The following SYT1 variants were observed in gnomAD, a reference collection of about 807,000 sequenced individuals.
SYT1 encodes the protein synaptotagmin 1.
In SYT1, 8 loss-of-function variants were observed where a neutral mutation model predicts 44.8. That is an observed-to-expected ratio of 0.18 (90% CI 0.10 to 0.32). The LOEUF (loss-of-function observed/expected upper bound fraction) is 0.32. Among genes scored for constraint, SYT1 ranks in the 10% least tolerant of loss-of-function variants. SYT1 has a pLI of 1.00. For synonymous variants in SYT1, 154 were observed against 188.8 expected (o/e 0.82, Z 1.51); for missense variants, 286 against 509.3 (o/e 0.56, Z 4.22).
intron 1 of SYT1, among the ~76,000 whole-genome samples, chr12:78,962,102 T>C (rs1360707696): frequency 6.6e-6 from 1 of 152,124 alleles, no homozygotes; most frequent in African/African-American, 2.4e-5. Context: ...TGGTTTGAGT[T>C]TAGGTTTGCT....
intron 2 of SYT1, among the ~76,000 whole-genome samples, chr12:79,045,302 G>C (rs1311527842): frequency 6.6e-6 from 1 of 152,250 alleles, no homozygotes; most frequent in South Asian, 2.1e-4. Flanking sequence ...CGCCGAGCCA[G>C]GTGCGGGATA....
chr12:79,304,239 G>A (rs531711199), intron 8 of SYT1, among the ~76,000 whole-genome samples: 14 of 152,294 alleles, frequency 9.2e-5, no homozygotes, highest in Admixed American at 8.5e-4. Context: ...TTGAATGAAT[G>A]AATGGAGATG....
chr12:79,356,409 G>A (rs1883114477), intron 9 of SYT1, among the ~76,000 whole-genome samples: 1 of 151,998 alleles, frequency 6.6e-6, no homozygotes, highest in South Asian at 2.1e-4. Context: ...GTGATGGGTA[G>A]CACTAAGCAT....
chr12:79,353,333 C>T (rs1026412721), intron 8 of SYT1, among the ~76,000 whole-genome samples, 169 bp from the exon 9 acceptor site: 11 of 151,904 alleles, frequency 7.2e-5, no homozygotes, highest in African/African-American at 2.7e-4. Flanking sequence ...GCTGTTATCA[C>T]TCTTGATACC....
intron 2 of SYT1, among the ~76,000 whole-genome samples, chr12:79,018,487 TATA>T (rs1372820997): frequency 2.0e-5 from 3 of 151,988 alleles, no homozygotes; most frequent in South Asian, 2.1e-4. Context: ...AAACTTAAAG[TATA>T]ATAATAATAA....
chr12:79,283,148 C>T (rs1879135764), intron 4 of SYT1, among the ~76,000 whole-genome samples: 1 of 152,048 alleles, frequency 6.6e-6, no homozygotes, highest in African/African-American at 2.4e-5. Context: ...TATAGCTATA[C>T]AAAATGATAA....
intron 2 of SYT1, among the ~76,000 whole-genome samples, chr12:79,000,084 C>T (rs1004146647): frequency 6.6e-6 from 1 of 152,094 alleles, no homozygotes; most frequent in Non-Finnish European, 1.5e-5. Context: ...GGACAGACAA[C>T]ATCTCTAAAG....
At chr12:79,430,136 GAAAAA>G (rs1172467720) in intron 9 of SYT1, among the ~76,000 whole-genome samples, 1 of 152,082 alleles carries the variant, frequency 6.6e-6, no homozygotes, top group Non-Finnish European at 1.5e-5. Flanking sequence ...GGTGGAAGGA[GAAAAA>G]AACATGAAAG....
chr12:79,199,075 T>C (rs781436217), intron 3 of SYT1, among the ~76,000 whole-genome samples: 13 of 152,192 alleles, frequency 8.5e-5, no homozygotes, highest in Non-Finnish European at 1.6e-4. Flanking sequence ...TTAACCAGCA[T>C]GGCCAAGAAA....
chr12:79,127,490 C>T (rs1289784903), intron 3 of SYT1, among the ~76,000 whole-genome samples: 1 of 152,198 alleles, frequency 6.6e-6, no homozygotes, highest in Non-Finnish European at 1.5e-5. Flanking sequence ...ATGTGGGAAA[C>T]TTACTTAATG....
At chr12:79,122,761 T>G (rs1868299073) in intron 3 of SYT1, among the ~76,000 whole-genome samples, 1 of 152,172 alleles carries the variant, frequency 6.6e-6, no homozygotes, top group Non-Finnish European at 1.5e-5. Flanking sequence ...GGTAATGCTT[T>G]GTTTCCATCA....
At chr12:79,188,516 T>C (rs1333490462) in intron 3 of SYT1, among the ~76,000 whole-genome samples, 2 of 152,138 alleles carry the variant, frequency 1.3e-5, no homozygotes, top group African/African-American at 4.8e-5. Context: ...CCTTTATCTT[T>C]ATTGCATCCT....
At chr12:79,141,495 A>T (rs549204745) in intron 3 of SYT1, among the ~76,000 whole-genome samples, 3 of 152,192 alleles carry the variant, frequency 2.0e-5, no homozygotes, top group Non-Finnish European at 4.4e-5. Context: ...TATTGTGGTT[A>T]TATAGGTTAA....
intron 1 of SYT1, among the ~76,000 whole-genome samples, chr12:78,967,315 A>T (rs1868272477): frequency 6.6e-6 from 1 of 152,232 alleles, no homozygotes; most frequent in Non-Finnish European, 1.5e-5. Context: ...TAGTATTGAG[A>T]GAGCAAGGCT....
chr12:79,310,924 A>G (rs371119825), intron 8 of SYT1, among the ~76,000 whole-genome samples: 100 of 152,308 alleles, frequency 6.6e-4, no homozygotes, highest in African/African-American at 2.3e-3. Flanking sequence ...GGCTGAGACA[A>G]TGGGGTTTTC....
intron 3 of SYT1, among the ~76,000 whole-genome samples, chr12:79,168,795 A>G (rs538161925): frequency 1.3e-5 from 2 of 152,180 alleles, no homozygotes; most frequent in East Asian, 3.9e-4. Flanking sequence ...GTAATTATCT[A>G]TAGGTTTGCC....
rs181230632 is a variant in SYT1 at position 79,015,731 on chromosome 12, G to A, written c.-83-31566G>A. On this transcript the variant is annotated intron_variant, in intron 2 of 10. Transcript: ENST00000261205. ...GAAAGCAATTTGTTTAAAGGCTTAT[G>A]TGAAAGACACAGTAATACTCTTATG... Among the ~76,000 whole-genome samples the A allele has an allele frequency of 4.6e-5, 7 of 152,270 alleles. No homozygotes were observed. The South Asian group carries it at 8.3e-4, about 18-fold the overall frequency.
At chr12:79,425,899 G>T (rs1869415609) in intron 9 of SYT1, among the ~76,000 whole-genome samples, 1 of 152,016 alleles carries the variant, frequency 6.6e-6, no homozygotes, top group South Asian at 2.1e-4. Context: ...AGGCATGAAG[G>T]ACACAGAGAG....
At chr12:79,236,799 G>T (rs1169995585) in intron 4 of SYT1, among the ~76,000 whole-genome samples, 1 of 152,188 alleles carries the variant, frequency 6.6e-6, no homozygotes, top group Non-Finnish European at 1.5e-5. Context: ...AATAGAATAT[G>T]CATGGAAACA....
Sources: gnomAD v4.1 joint callset for allele counts (sites outside exome capture counted in the v4.1 genomes callset) on GRCh38, gnomAD v4.1.1 for gene constraint, MANE v1.5 for transcripts, NCBI Gene and HGNC (gene_info 2026-07-23, HGNC 2026-07-21) for gene names.